Variants in KLHL1 observed in about 807,000 individuals in gnomAD.
The protein encoded by KLHL1 is kelch-like protein 1.
A neutral mutation model predicts 77.7 loss-of-function variants in KLHL1; 47 were observed. The observed-to-expected ratio is 0.60, with a 90% CI of 0.48 to 0.77. The LOEUF is 0.77. Ranked by LOEUF, KLHL1 falls within the 30% of genes least tolerant of loss-of-function variation. The pLI is 0.00. For missense variants in KLHL1, 925 were observed against 910.8 expected, an observed-to-expected ratio of 1.02 and a Z score of -0.20; for synonymous variants, 360 against 325.2, an observed-to-expected ratio of 1.11 and a Z score of -1.15.
At position 70,015,517 on chromosome 13, in the gene KLHL1, T is replaced by C. The variant is rs185066054; in HGVS notation, c.498-39715A>G. On this transcript the variant is annotated intron_variant, in intron 1 of 10. Coordinates refer to ENST00000377844, the MANE Select transcript of KLHL1 (RefSeq NM_020866.3). ...TTAAAATTTTTCAATTTTTTGACAG[T>C]GCAAAAGCAATGCATATTTAGCATA... Among the ~76,000 whole-genome samples the C allele has an allele frequency of 2.3e-3, 347 of 152,338 alleles. 3 individuals are homozygous for C. Among genetic ancestry groups the C allele is most frequent in the African/African-American group, 8.2e-3 (339 of 41,586 alleles).
At chr13:69,825,052 A>G (rs772860581) in intron 6 of KLHL1, among the ~76,000 whole-genome samples, 4 of 152,308 alleles carry the variant, frequency 2.6e-5, no homozygotes, top group South Asian at 4.1e-4. Flanking sequence ...CGTATGTGAT[A>G]AAGCCATGTT....
intron 6 of KLHL1, among the ~76,000 whole-genome samples, chr13:69,820,705 C>T (rs975646687): frequency 6.6e-6 from 1 of 152,072 alleles, no homozygotes; most frequent in African/African-American, 2.4e-5. Context: ...ACATTCAGGC[C>T]GAATTTGCTC....
chr13:69,796,127 G>C (rs1394078878), intron 7 of KLHL1, among the ~76,000 whole-genome samples: 1 of 152,096 alleles, frequency 6.6e-6, no homozygotes, highest in Non-Finnish European at 1.5e-5. Context: ...CTCTTTTAGA[G>C]AACTTTAATA....
intron 10 of KLHL1, among the ~76,000 whole-genome samples, 169 bp downstream of exon 10, chr13:69,707,456 C>T (rs1028090019): frequency 2.0e-5 from 3 of 151,442 alleles, no homozygotes; most frequent in African/African-American, 7.3e-5. Context: ...TAAAAGTACA[C>T]AAGAATGTAT....
At chr13:69,816,775 A>G (rs979839497) in intron 6 of KLHL1, among the ~76,000 whole-genome samples, 3 of 152,102 alleles carry the variant, frequency 2.0e-5, no homozygotes, top group Admixed American at 6.6e-5. Context: ...CAAAGAGCTC[A>G]TATTTAAAAC....
chr13:70,093,644 G>A (rs1887721764), intron 1 of KLHL1, among the ~76,000 whole-genome samples: 2 of 151,822 alleles, frequency 1.3e-5, no homozygotes, highest in South Asian at 2.1e-4. Context: ...ACTTAATTTG[G>A]CAAATAATTT....
chr13:70,015,443 G>C (rs535525006), intron 1 of KLHL1, among the ~76,000 whole-genome samples: 2 of 152,244 alleles, frequency 1.3e-5, no homozygotes, highest in Admixed American at 1.3e-4. Flanking sequence ...TATGCAGCAC[G>C]TAACTGTGCA....
At chr13:69,762,099 A>G (rs994205988) in intron 7 of KLHL1, among the ~76,000 whole-genome samples, 3 of 152,152 alleles carry the variant, frequency 2.0e-5, no homozygotes, top group Non-Finnish European at 2.9e-5. Flanking sequence ...AACAGTAGCT[A>G]AAAGGTTATC....
chr13:69,723,811 A>G (rs936337344), intron 8 of KLHL1, among the ~76,000 whole-genome samples: 2 of 151,374 alleles, frequency 1.3e-5, no homozygotes, highest in African/African-American at 4.9e-5. Context: ...TCGGCTGATA[A>G]TAACTCTTTC....
At chr13:69,978,752 G>A (rs1211551113) in intron 1 of KLHL1, among the ~76,000 whole-genome samples, 2 of 152,120 alleles carry the variant, frequency 1.3e-5, no homozygotes, top group African/African-American at 2.4e-5. Flanking sequence ...CCCCCAAAGT[G>A]CTGGGATTAC....
chr13:69,818,217 A>ATTTTTTTTTTTTTTTTTTTTTTTTTTTT (rs1878195724), intron 6 of KLHL1, among the ~76,000 whole-genome samples: 1 of 124,430 alleles, frequency 8.0e-6, no homozygotes, highest in Non-Finnish European at 1.6e-5. Flanking sequence ...ACTCATAGGC[A>ATTTTTTTTTTTTTTTTTTTTTTTTTTTT]TCTTTTTTTT....
chr13:69,874,269 A>G (rs1317272326), intron 5 of KLHL1, among the ~76,000 whole-genome samples: 2 of 152,134 alleles, frequency 1.3e-5, no homozygotes, highest in African/African-American at 4.8e-5. Context: ...AGTTGGTACT[A>G]ATGGACTATA....
chr13:69,963,986 G>A (rs2501224), intron 2 of KLHL1, among the ~76,000 whole-genome samples: 66 of 151,776 alleles, frequency 4.3e-4, no homozygotes, highest in South Asian at 6.3e-4. Context: ...GATTTTTTTT[G>A]AACTTGAAAT....
At chr13:70,037,605 C>A (rs950084336) in intron 1 of KLHL1, among the ~76,000 whole-genome samples, 1 of 151,820 alleles carries the variant, frequency 6.6e-6, no homozygotes, top group Non-Finnish European at 1.5e-5. Context: ...TCTTTAGTTT[C>A]TTTTTTTCTT....
chr13:70,075,569 G>GTATATATATATATATATATATATA (rs1555295388), intron 1 of KLHL1, among the ~76,000 whole-genome samples: 171 of 106,418 alleles, frequency 1.6e-3, no homozygotes, highest in Non-Finnish European at 2.2e-3. Context: ...GTGTGTATGT[G>GTATATATATATATATATATATATA]TATATATATA....
intron 7 of KLHL1, among the ~76,000 whole-genome samples, chr13:69,795,295 T>C (rs1004573669): frequency 1.3e-5 from 2 of 152,188 alleles, no homozygotes; most frequent in Non-Finnish European, 2.9e-5. Context: ...AAATTTTACT[T>C]TGGATTGATG....
intron 1 of KLHL1, among the ~76,000 whole-genome samples, chr13:70,074,558 A>G (rs1887215353): frequency 6.6e-6 from 1 of 152,084 alleles, no homozygotes; most frequent in Non-Finnish European, 1.5e-5. Flanking sequence ...TGCAAAAAAG[A>G]GATCCTTCAT....
At chr13:69,703,114 G>A (rs1202019732) in intron 10 of KLHL1, among the ~76,000 whole-genome samples, 1 of 151,600 alleles carries the variant, frequency 6.6e-6, no homozygotes, top group East Asian at 1.9e-4. Flanking sequence ...ATACAGTCAT[G>A]CACTGCATAG....
chr13:69,975,025 T>C (rs1454584001), intron 2 of KLHL1, among the ~76,000 whole-genome samples: 1 of 152,100 alleles, frequency 6.6e-6, no homozygotes, highest in Non-Finnish European at 1.5e-5. Context: ...GTCCATATTG[T>C]AATATTTCTA....
Sources: gnomAD v4.1 joint callset for allele counts (sites outside exome capture counted in the v4.1 genomes callset) on GRCh38, gnomAD v4.1.1 for gene constraint, MANE v1.5 for transcripts, NCBI Gene and HGNC (gene_info 2026-07-23, HGNC 2026-07-21) for gene names.